SETBP1: variants seen among roughly 807,000 people sequenced by gnomAD.
The protein encoded by SETBP1 is SET-binding protein.
SETBP1 carries 9 observed loss-of-function variants against 101.0 expected under a neutral mutation model. That is an observed-to-expected ratio of 0.09 (90% CI 0.05 to 0.16). The LOEUF (loss-of-function observed/expected upper bound fraction) is 0.16. Ranked by LOEUF, SETBP1 falls within the 10% of genes least tolerant of loss-of-function variation. The pLI is 1.00. For missense variants in SETBP1, 1,858 were observed against 2,033.8 expected, an observed-to-expected ratio of 0.91 and a Z score of 1.66; for synonymous variants, 818 against 788.5, an observed-to-expected ratio of 1.04 and a Z score of -0.63.
intron 5 of SETBP1, among the ~76,000 whole-genome samples, chr18:45,060,390 T>C (rs906300244): frequency 2.0e-5 from 3 of 152,182 alleles, no homozygotes; most frequent in Admixed American, 2.0e-4. Context: ...TCTTACATCA[T>C]TACCAATACT....
At position 44,951,219 on chromosome 18, in the gene SETBP1, C is replaced by T. The variant is rs146193261; in HGVS notation, c.1879C>T (p.Arg627Cys). 5,775 of 1,614,048 alleles carry T rather than the reference C, an allele frequency of 3.6e-3. 121 individuals are homozygous for T. In the Admixed American group the frequency reaches 0.052, roughly 14 times the overall value. The change falls in exon 4 of 6, where the codon CGC becomes TGC. Residue 627 changes from arginine to cysteine, a missense_variant. This residue lies in a region of SETBP1 where 111 missense variants were observed against 119.3 expected (regional missense o/e 0.93). Coordinates refer to ENST00000649279, the MANE Select transcript of SETBP1 (RefSeq NM_015559.3). The surrounding 1 kb of genome is among the most constrained non-coding windows in gnomAD (Gnocchi z 7.8). ...TGGCACTAAGAAAAGAAAGCGACGACGCAATTTAGCGAAGTTGGCCCAGCT... is the reference window on the plus strand; with the variant it reads ...TGGCACTAAGAAAAGAAAGCGACGATGCAATTTAGCGAAGTTGGCCCAGCT... ...FPGTKKRKRR[R>C]NLAKLAQLVP...
rs149884028 is a variant in SETBP1 at position 44,875,346 on chromosome 18, C to T, written c.540+6063C>T. On this transcript the variant is annotated intron_variant, in intron 3 of 5. Coordinates refer to ENST00000649279, the MANE Select transcript of SETBP1 (RefSeq NM_015559.3). The stretch of plus-strand genomic sequence containing the variant: ...CCTCCTGGCCAACATGGTGAAACCT[C>T]GTCTCTACTAAAAATACAAAAACTA... Among the ~76,000 whole-genome samples the T allele has an allele frequency of 3.4e-3, 520 of 151,902 alleles. 3 individuals are homozygous for T. Among genetic ancestry groups the T allele is most frequent in the African/African-American group, 0.012 (483 of 41,402 alleles).
At chr18:44,732,004 T>A (rs547830071) in intron 2 of SETBP1, among the ~76,000 whole-genome samples, 3 of 152,334 alleles carry the variant, frequency 2.0e-5, no homozygotes, top group Non-Finnish European at 4.4e-5. Flanking sequence ...CCCATTTTTC[T>A]TTATTATGAA....
At position 44,930,147 on chromosome 18, in the gene SETBP1, C is replaced by T. The variant is rs527720597; in HGVS notation, c.541-19734C>T. Among the ~76,000 whole-genome samples the T allele has an allele frequency of 8.5e-5, 13 of 152,150 alleles. No homozygotes were observed. In the South Asian group the frequency reaches 1.5e-3, roughly 17 times the overall value. On this transcript the variant is annotated intron_variant, in intron 3 of 5. Coordinates refer to ENST00000649279, the MANE Select transcript of SETBP1 (RefSeq NM_015559.3). ...TTTATTGAGAGTTTTTAGCATGAAG[C>T]GCTGTTGAATTTTGTCAAAGGCCTT...
intron 2 of SETBP1, among the ~76,000 whole-genome samples, chr18:44,773,838 A>G (rs368176821): frequency 1.3e-3 from 170 of 134,238 alleles, no homozygotes; most frequent in South Asian, 0.012. Context: ...CTCTCTGTTT[A>G]TGTGTGTGTG....
chr18:44,798,194 C>G (rs1185006332), intron 2 of SETBP1, among the ~76,000 whole-genome samples: 1 of 152,100 alleles, frequency 6.6e-6, no homozygotes, highest in Non-Finnish European at 1.5e-5. Flanking sequence ...ACTGTTCCCT[C>G]CCAAGAAATA....
chr18:44,981,251 C>T (rs1017535164), intron 4 of SETBP1, among the ~76,000 whole-genome samples: 1 of 152,198 alleles, frequency 6.6e-6, no homozygotes, highest in Admixed American at 6.5e-5. Flanking sequence ...CGACTCTCAC[C>T]GTAATCTCTC....
intron 1 of SETBP1, among the ~76,000 whole-genome samples, chr18:44,691,469 C>T (rs1419509379): frequency 6.6e-6 from 1 of 151,882 alleles, no homozygotes; most frequent in African/African-American, 2.4e-5. Context: ...CTTGATTGGC[C>T]CAGGCAGGAT....
Position 44,952,369 on chromosome 18 carries a change from C to T in SETBP1, c.3029C>T (p.Thr1010Ile), listed in dbSNP as rs1243260083. Residue 1010 changes from threonine to isoleucine, a missense_variant, in exon 4 of 6, where the codon ACT (threonine) becomes ATT (isoleucine). Physicochemically the swap from Thr to Ile is moderately conservative, Grantham distance 89 (BLOSUM62 -1). Coordinates refer to ENST00000649279, the MANE Select transcript of SETBP1 (RefSeq NM_015559.3). Reference protein sequence around the residue: ...QYDPLLYLRRTSDLKSKKKRG... With the variant: ...QYDPLLYLRRISDLKSKKKRG... The stretch of plus-strand genomic sequence containing the variant: ...GACCCGTTGCTCTATCTTCGTAGGA[C>T]TTCAGACTTGAAGTCAAAGAAGAAG... The T allele has an allele frequency of 9.3e-6, 15 of 1,613,988 alleles. No individual in the cohort carries two copies. The highest frequency in any genetic ancestry group is 1.7e-5 in the Admixed American group (1 of 60,006).
intron 2 of SETBP1, among the ~76,000 whole-genome samples, chr18:44,779,926 A>ACACG (rs1379622613): frequency 6.6e-6 from 1 of 151,678 alleles, no homozygotes; most frequent in African/African-American, 2.4e-5. Context: ...ACACACACAC[A>ACACG]CACGCACGCA....
At chr18:44,985,629 T>C (rs995053231) in intron 4 of SETBP1, among the ~76,000 whole-genome samples, 1 of 152,226 alleles carries the variant, frequency 6.6e-6, no homozygotes, top group African/African-American at 2.4e-5. Context: ...AAATCTACAG[T>C]ACAACTGTTT....
At chr18:45,055,659 T>C (rs1351800507) in intron 5 of SETBP1, among the ~76,000 whole-genome samples, 1 of 152,218 alleles carries the variant, frequency 6.6e-6, no homozygotes, top group African/African-American at 2.4e-5. Context: ...CACATACACG[T>C]AGATTCAAAA....
Position 44,950,011 on chromosome 18 carries a change from C to T in SETBP1, c.671C>T (p.Thr224Ile). 1 of 1,614,162 alleles carries T rather than the reference C, an allele frequency of 6.2e-7. No homozygotes were observed. Among genetic ancestry groups the T allele is most frequent in the Middle Eastern group, 1.6e-4 (1 of 6,062 alleles). Residue 224 changes from threonine (T) to isoleucine (I), a missense_variant, in exon 4 of 6, where the codon ACC (threonine) becomes ATC (isoleucine). Physicochemically the swap from Thr to Ile is moderately conservative, Grantham distance 89. Transcript: ENST00000649279. ...AGCCAGAACCACATGGACTGGTCCACCAACTCTGACAGCGGACCCGTCACT... is the reference window on the plus strand; with the variant it reads ...AGCCAGAACCACATGGACTGGTCCATCAACTCTGACAGCGGACCCGTCACT... ...SSSQNHMDWS[T>I]NSDSGPVTQN...
intron 4 of SETBP1, among the ~76,000 whole-genome samples, chr18:45,028,069 G>C (rs2073206842): frequency 6.6e-6 from 1 of 151,982 alleles, no homozygotes; most frequent in Non-Finnish European, 1.5e-5. Context: ...GTGCAGGTTA[G>C]TTACGTATGT....
chr18:44,896,754 A>T (rs552484089), intron 3 of SETBP1, among the ~76,000 whole-genome samples: 1 of 152,280 alleles, frequency 6.6e-6, no homozygotes, highest in South Asian at 2.1e-4. Flanking sequence ...CACCACACCC[A>T]GCCCTACATC....
chr18:44,833,611 C>T (rs1327438066), intron 2 of SETBP1, among the ~76,000 whole-genome samples: 1 of 152,184 alleles, frequency 6.6e-6, no homozygotes, highest in Non-Finnish European at 1.5e-5. Context: ...AGAGCAATGC[C>T]TTCGAGGAGA....
At chr18:44,974,120 T>A (rs1471843443) in intron 4 of SETBP1, among the ~76,000 whole-genome samples, 2 of 152,242 alleles carry the variant, frequency 1.3e-5, no homozygotes, top group Non-Finnish European at 2.9e-5. Context: ...TGTATGAATA[T>A]AAAATTATTT....
intron 2 of SETBP1, among the ~76,000 whole-genome samples, chr18:44,728,865 T>C (rs1009182044): frequency 6.6e-6 from 1 of 152,200 alleles, no homozygotes; most frequent in African/African-American, 2.4e-5. Flanking sequence ...TCCATTTGAA[T>C]GAATGATGCC....
intron 2 of SETBP1, among the ~76,000 whole-genome samples, chr18:44,744,764 C>G (rs1315442039): frequency 2.3e-5 from 3 of 130,006 alleles, no homozygotes; most frequent in African/African-American, 5.8e-5. Context: ...GTCCAACCCT[C>G]CTCTTAAAAA....
Sources: gnomAD v4.1 joint callset for allele counts (sites outside exome capture counted in the v4.1 genomes callset) on GRCh38, gnomAD v4.1.1 for gene constraint, gnomAD v4.1.1 regional missense constraint, Gnocchi (gnomAD v3.1) non-coding constraint, MANE v1.5 for transcripts, NCBI Gene and HGNC (gene_info 2026-07-23, HGNC 2026-07-21) for gene names.